RARRES1: variants seen among roughly 807,000 people sequenced by gnomAD.
The protein encoded by RARRES1 is retinoic acid receptor responder 1, also known as retinoic acid receptor responder protein 1.
RARRES1 carries 34 observed loss-of-function variants against 30.6 expected under a neutral mutation model. The observed-to-expected ratio is 1.11, with a 90% confidence interval of 0.84 to 1.48. RARRES1 has a LOEUF of 1.48. Ranked by LOEUF, RARRES1 falls within the 40% of genes most tolerant of loss-of-function variation. The pLI is 0.00. For missense variants in RARRES1, 373 were observed against 386.5 expected, an observed-to-expected ratio of 0.97 and a Z score of 0.29; for synonymous variants, 153 against 155.5, an observed-to-expected ratio of 0.98 and a Z score of 0.12.
At chr3:158,729,890 G>A (rs193125113) in intron 1 of RARRES1, among the ~76,000 whole-genome samples, 8 of 152,224 alleles carry the variant, frequency 5.3e-5, no homozygotes, top group Admixed American at 3.3e-4. Flanking sequence ...ATCCTTAGAC[G>A]CCCCTTCTTT....
intron 1 of RARRES1, among the ~76,000 whole-genome samples, chr3:158,725,546 A>G (rs1173050330): frequency 6.6e-6 from 1 of 152,202 alleles, no homozygotes; most frequent in Non-Finnish European, 1.5e-5. Flanking sequence ...GATGTGGGAC[A>G]TTACTAATGC....
At chr3:158,705,412 A>G (rs1726887126) in intron 3 of RARRES1, among the ~76,000 whole-genome samples, 2 of 152,010 alleles carry the variant, frequency 1.3e-5, no homozygotes, top group Admixed American at 1.3e-4. Context: ...CAAAGATGAC[A>G]TTCAATTTAA....
At chr3:158,721,559 A>G (rs759573885) in intron 1 of RARRES1, among the ~76,000 whole-genome samples, 48 of 152,226 alleles carry the variant, frequency 3.2e-4, no homozygotes, top group Admixed American at 6.5e-4. Flanking sequence ...ACTAGGATAC[A>G]GCTGACCACT....
chr3:158,716,808 T>G (rs1727336640), intron 1 of RARRES1, among the ~76,000 whole-genome samples: 1 of 152,168 alleles, frequency 6.6e-6, no homozygotes, highest in Non-Finnish European at 1.5e-5. Flanking sequence ...GGTTTCGAAC[T>G]CCTCAGCTCA....
intron 4 of RARRES1, among the ~76,000 whole-genome samples, chr3:158,704,441 A>G (rs1047726528): frequency 9.2e-5 from 14 of 151,990 alleles, no homozygotes; most frequent in African/African-American, 2.2e-4. Flanking sequence ...TATGCTACCC[A>G]GGCTGGTCTC....
At chr3:158,720,369 G>T (rs989823494) in intron 1 of RARRES1, among the ~76,000 whole-genome samples, 1 of 148,670 alleles carries the variant, frequency 6.7e-6, no homozygotes, top group East Asian at 1.9e-4. Flanking sequence ...CCTTCCTCTG[G>T]AAGGGAGACT....
At chr3:158,720,266 A>ATGTG (rs375127638) in intron 1 of RARRES1, among the ~76,000 whole-genome samples, 44 of 124,846 alleles carry the variant, frequency 3.5e-4, no homozygotes, top group African/African-American at 1.3e-3. Context: ...GTGTGTGTGT[A>ATGTG]TGTGTGTGAG....
rs2108151181 is a variant in RARRES1 at position 158,723,103 on chromosome 3, T to G, written c.276+9037A>C. Among the ~76,000 whole-genome samples the G allele has an allele frequency of 6.6e-6, 1 of 152,256 alleles. No individual in the cohort carries two copies. Among genetic ancestry groups the G allele is most frequent in the East Asian group, 1.9e-4 (1 of 5,168 alleles). On this transcript the variant is annotated intron_variant, in intron 1 of 5. Coordinates refer to ENST00000237696, the MANE Select transcript of RARRES1 (RefSeq NM_206963.2). This position sits in a 1 kb window ranked among gnomAD's most constrained non-coding sequence, Gnocchi z 4.4. ...GTGTCTGTCATTGGTTGCTAAGCGC[T>G]GGTCCTTCCTGTTGTGTTAGTGCCG...
intron 1 of RARRES1, among the ~76,000 whole-genome samples, chr3:158,715,800 C>T (rs1727303218): frequency 1.3e-5 from 2 of 152,136 alleles, no homozygotes; most frequent in South Asian, 4.1e-4. Context: ...TGAGACATGC[C>T]TGACAGTGGC....
Position 158,732,131 on chromosome 3 carries a change from C to T in RARRES1, c.276+9G>A, listed in dbSNP as rs1355421791. ...AGGCGCGTGCCCCGGCGCGTCGCTC[C>T]GCACTCACCCACGCGCGGCCCTCCT... On this transcript the variant is annotated intron_variant, in intron 1 of 5. Transcript: ENST00000237696. 5 of 1,345,936 alleles carry T rather than the reference C, an allele frequency of 3.7e-6. No homozygotes were observed. Among genetic ancestry groups the T allele is most frequent in the East Asian group, 3.1e-5 (1 of 32,456 alleles). The allele number at this position is 1,345,936 out of a possible 1,614,324, so 83.4% of individuals were successfully genotyped here.
chr3:158,709,373 T>G (rs1296131921), intron 3 of RARRES1, among the ~76,000 whole-genome samples: 1 of 152,210 alleles, frequency 6.6e-6, no homozygotes, highest in African/African-American at 2.4e-5. Flanking sequence ...AATTCCTAAA[T>G]AAGTGTAGAT....
chr3:158,727,489 ATGTT>A (rs1195519471), intron 1 of RARRES1, among the ~76,000 whole-genome samples: 1 of 152,124 alleles, frequency 6.6e-6, no homozygotes, highest in African/African-American at 2.4e-5. Flanking sequence ...GTCTCTCAAA[ATGTT>A]AGTAAAAGGC....
Position 158,702,101 on chromosome 3 carries a change from G to A in RARRES1, c.672+2690C>T, listed in dbSNP as rs189401343. Among the ~76,000 whole-genome samples the A allele has an allele frequency of 7.6e-4, 116 of 152,180 alleles. 1 individual carries two copies. The highest frequency in any genetic ancestry group is 3.4e-3 in the Middle Eastern group (1 of 294). On this transcript the variant is annotated intron_variant, in intron 4 of 5. Coordinates refer to ENST00000237696, the MANE Select transcript of RARRES1 (RefSeq NM_206963.2). ...CGCCCAGGCTGGAGTGCACTAGCAC[G>A]ATCTCACCTCACTGCAACCTCCGCC...
At chr3:158,726,436 C>G (rs181402321) in intron 1 of RARRES1, among the ~76,000 whole-genome samples, 2 of 152,338 alleles carry the variant, frequency 1.3e-5, no homozygotes, top group Non-Finnish European at 2.9e-5. Context: ...ACTGAACCCC[C>G]GAGCACGGGC....
At chr3:158,720,377 A>ACTG (rs1437600320) in intron 1 of RARRES1, among the ~76,000 whole-genome samples, 1 of 148,580 alleles carries the variant, frequency 6.7e-6, no homozygotes, top group Non-Finnish European at 1.5e-5. Context: ...TGGAAGGGAG[A>ACTG]CTGCCAGGCA....
intron 1 of RARRES1, 54 bp downstream of exon 1, chr3:158,732,086 A>G: frequency 7.7e-7 from 1 of 1,292,564 alleles, no homozygotes; most frequent in Non-Finnish European, 9.8e-7. Flanking sequence ...GTCACCTCCC[A>G]GCGCCGTGCG....
Position 158,715,093 on chromosome 3 carries a change from C to T in RARRES1, c.277-1234G>A, listed in dbSNP as rs138913838. Among the ~76,000 whole-genome samples, 36 of 152,282 alleles carry T rather than the reference C, an allele frequency of 2.4e-4. No homozygotes were observed. In the East Asian group the frequency reaches 6.2e-3, roughly 26 times the overall value. On this transcript the variant is annotated intron_variant, in intron 1 of 5. Transcript: ENST00000237696. ...ACAGAGCAGTTTGCTGAGGGCTCAT[C>T]GTCAGTCTTCAAACGAGTTCTGTTG...
At chr3:158,720,274 G>GTGT (rs1559873770) in intron 1 of RARRES1, among the ~76,000 whole-genome samples, 10 of 126,498 alleles carry the variant, frequency 7.9e-5, no homozygotes, top group Non-Finnish European at 1.0e-4. Context: ...GTATGTGTGT[G>GTGT]AGAGAGAGAG....
chr3:158,708,939 G>A (rs1727022971), intron 3 of RARRES1, among the ~76,000 whole-genome samples: 1 of 152,172 alleles, frequency 6.6e-6, no homozygotes, highest in Admixed American at 6.5e-5. Flanking sequence ...TTGCAGGCAT[G>A]AGCCACCGCG....
Sources: allele counts gnomAD v4.1 joint callset (sites outside exome capture counted in the v4.1 genomes callset), GRCh38; gene constraint gnomAD v4.1.1; non-coding constraint Gnocchi (gnomAD v3.1); transcripts MANE v1.5; gene names NCBI Gene and HGNC (gene_info 2026-07-23, HGNC 2026-07-21).